The following CYB5R4 variants were observed in gnomAD, a reference collection of about 807,000 sequenced individuals.
CYB5R4 encodes the protein cytochrome b5 reductase 4.
CYB5R4 carries 55 observed loss-of-function variants against 70.2 expected under a neutral mutation model. That is an observed-to-expected ratio of 0.78 (90% CI 0.63 to 0.98). The LOEUF (loss-of-function observed/expected upper bound fraction) is 0.98. Among genes scored for constraint, CYB5R4 ranks in the 50% least tolerant of loss-of-function variants. CYB5R4 has a pLI of 0.00. For missense variants in CYB5R4, 562 were observed against 612.6 expected (o/e 0.92, Z 0.87); for synonymous variants, 197 against 199.5 (o/e 0.99, Z 0.11).
In CYB5R4 at chr6:83,965,843, T is replaced by A. The variant is rs1437959070; in HGVS notation, c.*5965T>A. 1.3e-5 allele frequency: 2 copies of A among 152,200 alleles called. No individual in the cohort carries two copies. Among genetic ancestry groups the A allele is most frequent in the Non-Finnish European group, 2.9e-5 (2 of 68,066 alleles). 9.4% of individuals were successfully genotyped at this position (152,200 alleles called of 1,614,324 possible). A position where few individuals can be genotyped will look rare whatever the true frequency, so the allele number is the denominator to read the frequency against. On this transcript the variant is annotated 3_prime_UTR_variant, in exon 16 of 16. Coordinates refer to ENST00000369681, the MANE Select transcript of CYB5R4 (RefSeq NM_016230.4). ...GGTTTCCCCCATACTGTTCTCATGG[T>A]AGAGAATAAGTCTCATGAGATCTGA... is the stretch of plus-strand genomic sequence containing the variant.
At chr6:83,866,635 A>T (rs1588557715) in intron 2 of CYB5R4, among the ~76,000 whole-genome samples, 1 of 151,240 alleles carries the variant, frequency 6.6e-6, no homozygotes. Context: ...TTTATAAAGG[A>T]GACAGGATCT....
intron 2 of CYB5R4, among the ~76,000 whole-genome samples, chr6:83,888,510 G>A (rs960156539): frequency 3.3e-5 from 5 of 151,980 alleles, no homozygotes; most frequent in African/African-American, 4.8e-5. Flanking sequence ...TGATCTTGAT[G>A]TTACTATTGT....
intron 2 of CYB5R4, among the ~76,000 whole-genome samples, chr6:83,865,626 C>G (rs2099456608): frequency 6.6e-6 from 1 of 152,114 alleles, no homozygotes; most frequent in Non-Finnish European, 1.5e-5. Flanking sequence ...GATTAGGGAC[C>G]TCCCCTACTC....
chr6:83,905,425 A>T (rs139692492), intron 3 of CYB5R4, among the ~76,000 whole-genome samples: 10 of 152,230 alleles, frequency 6.6e-5, no homozygotes, highest in African/African-American at 2.4e-4. Context: ...GGGGTAGGAC[A>T]CTTCGGCTTT....
intron 14 of CYB5R4, among the ~76,000 whole-genome samples, chr6:83,942,674 A>T (rs1405011081): frequency 6.6e-6 from 1 of 152,048 alleles, no homozygotes; most frequent in Admixed American, 6.5e-5. Flanking sequence ...TGCTCAGCGG[A>T]TCCCACCCCA....
chr6:83,913,648 G>T (rs2099465042), intron 4 of CYB5R4, among the ~76,000 whole-genome samples: 1 of 152,100 alleles, frequency 6.6e-6, no homozygotes, highest in South Asian at 2.1e-4. Flanking sequence ...TGAAAGCTTT[G>T]ATTTTAAATA....
At chr6:83,959,426 T>A (rs2099472964) in intron 15 of CYB5R4, among the ~76,000 whole-genome samples, 1 of 152,136 alleles carries the variant, frequency 6.6e-6, no homozygotes, top group South Asian at 2.1e-4. Flanking sequence ...AAATGAAGGT[T>A]TTAGGAGACT....
At chr6:83,959,060 C>A (rs2099472889) in intron 15 of CYB5R4, among the ~76,000 whole-genome samples, 1 of 152,096 alleles carries the variant, frequency 6.6e-6, no homozygotes, top group African/African-American at 2.4e-5. Context: ...AACATTTATT[C>A]TCCCTTTGTT....
chr6:83,951,180 A>G (rs2099471457), intron 14 of CYB5R4, among the ~76,000 whole-genome samples: 1 of 152,302 alleles, frequency 6.6e-6, no homozygotes, highest in African/African-American at 2.4e-5. Flanking sequence ...TGAGCATACC[A>G]TAATTTAGTT....
chr6:83,892,273 T>C (rs9344372), intron 2 of CYB5R4, among the ~76,000 whole-genome samples: 15,975 of 152,170 alleles, frequency 0.1, 1,459 homozygotes, highest in East Asian at 0.26. Context: ...TTCTAATATA[T>C]AGCTGGTCAA....
intron 3 of CYB5R4, among the ~76,000 whole-genome samples, chr6:83,897,446 A>G (rs2099462094): frequency 6.6e-6 from 1 of 152,200 alleles, no homozygotes; most frequent in East Asian, 1.9e-4. Context: ...TGGTAATTCT[A>G]GTTCTAGATC....
chr6:83,883,126 A>G (rs1023609612), intron 2 of CYB5R4, among the ~76,000 whole-genome samples: 4 of 152,224 alleles, frequency 2.6e-5, no homozygotes, highest in African/African-American at 4.8e-5. Context: ...TGGTGGCAAC[A>G]TAGACAAGAC....
intron 2 of CYB5R4, 34 bp from the exon 3 acceptor site, chr6:83,893,488 A>T: frequency 1.5e-6 from 2 of 1,291,248 alleles, no homozygotes; most frequent in Non-Finnish European, 2.2e-6. Context: ...TGAGAAGTTC[A>T]TTTAGGATAT....
At chr6:83,925,964 A>C (rs1468580526) in intron 10 of CYB5R4, among the ~76,000 whole-genome samples, 1 of 152,036 alleles carries the variant, frequency 6.6e-6, no homozygotes, top group Non-Finnish European at 1.5e-5. Context: ...CCTTTGTTTT[A>C]GCATCCTATT....
intron 14 of CYB5R4, among the ~76,000 whole-genome samples, chr6:83,950,460 T>G (rs2099471347): frequency 6.6e-6 from 1 of 152,202 alleles, no homozygotes; most frequent in African/African-American, 2.4e-5. Flanking sequence ...TTGGCCCACC[T>G]GCTCCCATCA....
intron 10 of CYB5R4, chr6:83,926,405 T>G (rs2099467281): frequency 6.6e-6 from 1 of 152,038 alleles, no homozygotes; most frequent in African/African-American, 2.4e-5. Flanking sequence ...AGGACTGCAG[T>G]AACAAACTAC....
rs981652814 is a variant in CYB5R4, at chr6:83,905,434, T to C, written c.331-3575T>C. On this transcript the variant is annotated intron_variant, in intron 3 of 15. Transcript: ENST00000369681. ...GTTGGTGGGGTAGGACACTTCGGCT[T>C]TGATCCTGGGTGTGTGCAGTAGTGT... Among the ~76,000 whole-genome samples, 6 of 152,186 alleles carry C rather than the reference T, an allele frequency of 3.9e-5. No individual in the cohort carries two copies. The East Asian group carries it at 1.2e-3, about 29-fold the overall frequency.
chr6:83,910,169 G>T, intron 4 of CYB5R4: 1 of 1,578,842 alleles, frequency 6.3e-7, no homozygotes, highest in Non-Finnish European at 8.6e-7. Flanking sequence ...TCACAGCACT[G>T]TGAGCAAGGA....
intron 10 of CYB5R4, 103 bp downstream of exon 10, chr6:83,924,695 G>A (rs1428952713): frequency 8.1e-7 from 1 of 1,231,290 alleles, no homozygotes; most frequent in African/African-American, 1.5e-5. Flanking sequence ...TGAGCTGAAG[G>A]GTCCTTGTAT....
Sources: allele counts gnomAD v4.1 joint callset (sites outside exome capture counted in the v4.1 genomes callset), GRCh38; gene constraint gnomAD v4.1.1; transcripts MANE v1.5; gene names NCBI Gene and HGNC (gene_info 2026-07-23, HGNC 2026-07-21).